The following PLCH2 variants were observed in gnomAD, a reference collection of about 807,000 sequenced individuals.
The protein encoded by PLCH2 is phospholipase C eta 2.
PLCH2 carries 98 observed loss-of-function variants against 134.7 expected under a neutral mutation model. The ratio of observed to expected loss-of-function variants is 0.73; its 90% confidence interval spans 0.62 to 0.86. The LOEUF (loss-of-function observed/expected upper bound fraction) is 0.86. Ranked by LOEUF, PLCH2 falls within the 40% of genes least tolerant of loss-of-function variation. The pLI is 0.00. For synonymous variants in PLCH2, 974 were observed against 827.5 expected (o/e 1.18, Z -3.04); for missense variants, 1,994 against 1,986.6 (o/e 1.00, Z -0.07).
chr1:2,466,501 C>T (rs567230101), upstream of PLCH2, among the ~76,000 whole-genome samples: 18 of 152,324 alleles, frequency 1.2e-4, no homozygotes, highest in East Asian at 1.5e-3. Context: ...CCTGGGGCCC[C>T]GCATGGCAGG....
Position 2,489,516 on chromosome 1 carries a change from C to T in PLCH2, c.1407+138C>T, listed in dbSNP as rs186848829. On this transcript the variant is annotated intron_variant, in intron 9 of 21. Transcript: ENST00000378486. ...GCTGAGGGCTGGCCACGCTCCTGACCTGGCCTCCATCTCCCCATGGTGGTC... is the reference window on the plus strand; with the variant it reads ...GCTGAGGGCTGGCCACGCTCCTGACTTGGCCTCCATCTCCCCATGGTGGTC... 8.0e-5 allele frequency: 72 copies of T among 894,512 alleles called. No homozygotes were observed. In the African/African-American group the frequency reaches 1.1e-3, roughly 14 times the overall value. The allele number at this position is 894,512 out of a possible 1,614,324, so 55.4% of individuals were successfully genotyped here.
At chr1:2,492,831 G>A (rs2100702684) in intron 11 of PLCH2, among the ~76,000 whole-genome samples, 1 of 152,254 alleles carries the variant, frequency 6.6e-6, no homozygotes, top group East Asian at 1.9e-4. Context: ...CATGAACCTT[G>A]AGGACGTGAG....
rs140108894 is a variant in PLCH2, at chr1:2,469,699, C to T, written c.43+2037C>T. 1.0e-2 allele frequency among the ~76,000 whole-genome samples: 1,522 copies of T among 152,300 alleles called. 15 individuals carry two copies. Among genetic ancestry groups the T allele is most frequent in the Middle Eastern group, 0.037 (11 of 294 alleles). On this transcript the variant is annotated intron_variant, in intron 1 of 21. Coordinates refer to the PLCH2 transcript ENST00000449969. ...GTAATCCAACGTGCCTGTTTCTTCC[C>T]GGGATTTTGCTCCCAGCACTGCATA... is the stretch of plus-strand genomic sequence containing the variant.
rs144875823 is a variant in PLCH2, at chr1:2,460,702, G to A, written c.116-17774G>A. Among the ~76,000 whole-genome samples the A allele has an allele frequency of 8.5e-3, 1,292 of 152,328 alleles. 6 individuals are homozygous for A. Among genetic ancestry groups the A allele is most frequent in the Admixed American group, 0.014 (213 of 15,310 alleles). On this transcript the variant is annotated intron_variant, in intron 2 of 3. Coordinates refer to the PLCH2 transcript ENST00000609981. ...CTGGTGGAGGCTGGTGAGGCTGAAG[G>A]GGCTCCTGGTCCTGGGGGTGGGGAC...
At chr1:2,501,928 C>T (rs192769181) in intron 20 of PLCH2, 184 bp from the exon 21 acceptor site, 234 of 543,576 alleles carry the variant, frequency 4.3e-4, no homozygotes, top group Non-Finnish European at 7.0e-4. Context: ...GCAGAGCTGC[C>T]CTAGGGACCC....
chr1:2,474,830 G>C (rs1030993432), upstream of PLCH2, among the ~76,000 whole-genome samples: 2 of 152,162 alleles, frequency 1.3e-5, no homozygotes, highest in Non-Finnish European at 1.5e-5. Context: ...AGGGGCCCTG[G>C]GCCAGGGCTA....
chr1:2,450,744 C>T (rs868627712), intron 2 of PLCH2, among the ~76,000 whole-genome samples: 83 of 110,564 alleles, frequency 7.5e-4, no homozygotes, highest in African/African-American at 2.6e-3. Context: ...CCCCGCTCCC[C>T]GCCTGCTGAC....
intron 1 of PLCH2, among the ~76,000 whole-genome samples, chr1:2,470,342 C>T (rs901879358): frequency 4.6e-5 from 7 of 152,166 alleles, no homozygotes; most frequent in African/African-American, 1.7e-4. Context: ...GAGTGGGAGA[C>T]AGGGCAGCCA....
chr1:2,483,705 C>T (rs1642097512), intron 4 of PLCH2, among the ~76,000 whole-genome samples: 1 of 152,108 alleles, frequency 6.6e-6, no homozygotes. Flanking sequence ...CCCTGTAGCA[C>T]CTTGGGTTTC....
chr1:2,491,339 G>A lies in PLCH2; in HGVS notation c.1659+4G>A, dbSNP rs1055493449. Reference sequence around the variant, plus strand: ...ATCTGGAAAGCTCGGACGCAAGGTAGAGGCCAAAAAGGTGACACCCCTGAT... The same window carrying A: ...ATCTGGAAAGCTCGGACGCAAGGTAAAGGCCAAAAAGGTGACACCCCTGAT... On this transcript the variant is annotated splice_donor_region_variant and intron_variant, in intron 11 of 21. Coordinates refer to ENST00000378486, the MANE Select transcript of PLCH2 (RefSeq NM_014638.4). 4 of 1,610,854 alleles carry A rather than the reference G, an allele frequency of 2.5e-6. No homozygotes were observed. The Admixed American group carries it at 6.7e-5, about 27-fold the overall frequency.
At chr1:2,494,785 G>A in intron 11 of PLCH2, 71 bp from the exon 12 acceptor site, 1 of 1,006,978 alleles carries the variant, frequency 9.9e-7, no homozygotes, top group Middle Eastern at 2.2e-4. Flanking sequence ...GGGACCACCA[G>A]GGGCTGTCCC....
At chr1:2,442,264 G>A (rs1294630543) in intron 2 of PLCH2, among the ~76,000 whole-genome samples, 1 of 152,164 alleles carries the variant, frequency 6.6e-6, no homozygotes, top group Admixed American at 6.5e-5. Context: ...GTCTGGAGGG[G>A]AGACTGAGGC....
At position 2,476,671 on chromosome 1, in the gene PLCH2, G is replaced by A. The variant is rs79733537; in HGVS notation, c.83G>A (p.Gly28Glu). The A allele has an allele frequency of 1.1e-5, 18 of 1,610,750 alleles. No individual in the cohort carries two copies. In the South Asian group the frequency reaches 1.9e-4, roughly 17 times the overall value. The change falls in exon 1 of 22, where the codon GGG (glycine) becomes GAG (glutamate). Residue 28 changes from glycine to glutamate, a missense_variant. By Grantham distance (98) the Gly-to-Glu change is moderately conservative (BLOSUM62 -2). Coordinates refer to ENST00000378486, the MANE Select transcript of PLCH2 (RefSeq NM_014638.4). ...WLAEVLLWVG[G>E]SVVLSSEWQL... Reference sequence around the variant, plus strand: ...GCGGAGGTACTCCTCTGGGTTGGAGGGAGTGTGGTGCTGTCTTCAGAGTGG... The same window carrying A: ...GCGGAGGTACTCCTCTGGGTTGGAGAGAGTGTGGTGCTGTCTTCAGAGTGG...
chr1:2,495,603 C>T (rs915733887), intron 13 of PLCH2, 33 bp downstream of exon 13: 1 of 1,482,546 alleles, frequency 6.7e-7, no homozygotes. Flanking sequence ...AGGCCCCGCA[C>T]ACTCCTGGGA....
At chr1:2,459,830 G>A (rs1640724415) in intron 2 of PLCH2, among the ~76,000 whole-genome samples, 1 of 152,272 alleles carries the variant, frequency 6.6e-6, no homozygotes, top group African/African-American at 2.4e-5. Context: ...ACGCAGGACC[G>A]GCCGGCCGTG....
At chr1:2,475,907 C>T (rs556704347), upstream of PLCH2, among the ~76,000 whole-genome samples, 1 of 152,182 alleles carries the variant, frequency 6.6e-6, no homozygotes, top group East Asian at 1.9e-4. Context: ...CTCTGGGCCA[C>T]CTGCCTCTGG....
In PLCH2 at chr1:2,476,619, C is replaced by T. The variant is rs199848920; in HGVS notation, c.31C>T (p.Arg11Trp). MSGPWPSPDS[R>W]TKGTVAWLAE... ...TGGTCCATGGCCCTCCCCCGACAGCCGGACCAAGGGAACGGTGGCCTGGCT... is the reference window on the plus strand; with the variant it reads ...TGGTCCATGGCCCTCCCCCGACAGCTGGACCAAGGGAACGGTGGCCTGGCT... The change falls in exon 1 of 22, where the codon CGG becomes TGG. Residue 11 changes from arginine (R) to tryptophan (W), a missense_variant. Arg to Trp is a moderately radical substitution (Grantham distance 101). Around this residue, in one of 2 missense-constraint regions of PLCH2, gnomAD observed 1,094 missense variants for 1,234.3 expected, o/e 0.89. Transcript: ENST00000378486. 239 of 1,595,370 alleles carry T rather than the reference C, an allele frequency of 1.5e-4. No homozygotes were observed. The highest frequency in any genetic ancestry group is 3.3e-4 in the Admixed American group (19 of 57,410).
upstream of PLCH2, among the ~76,000 whole-genome samples, chr1:2,462,981 G>C (rs1316331107): frequency 6.6e-6 from 1 of 152,218 alleles, no homozygotes; most frequent in Admixed American, 6.5e-5. Context: ...AATTCGCTTT[G>C]ATGTTGAATA....
At chr1:2,468,521 G>A (rs1641178774) in intron 1 of PLCH2, among the ~76,000 whole-genome samples, 1 of 151,572 alleles carries the variant, frequency 6.6e-6, no homozygotes, top group African/African-American at 2.4e-5. Context: ...GGCCAGAGGG[G>A]CAGGGTCTCC....
Sources: gnomAD v4.1 joint callset for allele counts (sites outside exome capture counted in the v4.1 genomes callset) on GRCh38, gnomAD v4.1.1 for gene constraint, gnomAD v4.1.1 regional missense constraint, MANE v1.5 for transcripts, NCBI Gene and HGNC (gene_info 2026-07-23, HGNC 2026-07-21) for gene names.